Variants in GPC5 observed in about 807,000 individuals in gnomAD.
GPC5 encodes the protein glypican 5, also known as glypican-5.
GPC5 carries 47 observed loss-of-function variants against 53.9 expected under a neutral mutation model. The observed-to-expected ratio is 0.87, with a 90% confidence interval of 0.69 to 1.11. GPC5 has a LOEUF of 1.11. Among genes scored for constraint, GPC5 ranks in the 50% most tolerant of loss-of-function variants. The probability of loss-of-function intolerance (pLI) is 0.00; values close to 1 mark genes in which losing one functional copy is unlikely to be tolerated. For synonymous variants in GPC5, 286 were observed against 263.3 expected, an observed-to-expected ratio of 1.09 and a Z score of -0.84; for missense variants, 748 against 713.1, an observed-to-expected ratio of 1.05 and a Z score of -0.56.
intron 2 of GPC5, among the ~76,000 whole-genome samples, chr13:91,612,480 G>A (rs1238528457): frequency 6.6e-6 from 1 of 152,100 alleles, no homozygotes; most frequent in Non-Finnish European, 1.5e-5. Context: ...ATTCTATGGA[G>A]CAGATATGAA....
At chr13:92,289,741 T>C (rs899455298) in intron 7 of GPC5, among the ~76,000 whole-genome samples, 2 of 152,028 alleles carry the variant, frequency 1.3e-5, no homozygotes, top group African/African-American at 4.8e-5. Flanking sequence ...GTAGATATGC[T>C]GATATCAAAG....
intron 7 of GPC5, among the ~76,000 whole-genome samples, chr13:92,736,727 G>T (rs1269634969): frequency 6.6e-6 from 1 of 151,514 alleles, no homozygotes; most frequent in Non-Finnish European, 1.5e-5. Flanking sequence ...ATCTGTTCTT[G>T]CTTGTCTCCC....
intron 3 of GPC5, among the ~76,000 whole-genome samples, chr13:91,694,578 A>G (rs1053302773): frequency 1.3e-5 from 2 of 152,208 alleles, no homozygotes; most frequent in Non-Finnish European, 2.9e-5. Flanking sequence ...CTCACCTTAC[A>G]TAGAACCATT....
At chr13:92,303,543 A>G (rs1348241323) in intron 7 of GPC5, among the ~76,000 whole-genome samples, 1 of 152,132 alleles carries the variant, frequency 6.6e-6, no homozygotes, top group Non-Finnish European at 1.5e-5. Context: ...TCAGGGAGAC[A>G]GGCCCTGAGA....
chr13:91,595,168 C>T (rs2032951126), intron 2 of GPC5, among the ~76,000 whole-genome samples: 1 of 151,902 alleles, frequency 6.6e-6, no homozygotes, highest in Non-Finnish European at 1.5e-5. Context: ...CAGATGTATG[C>T]CACCACACCC....
intron 6 of GPC5, among the ~76,000 whole-genome samples, chr13:92,034,065 TA>T (rs1043655598): frequency 1.3e-5 from 2 of 152,128 alleles, no homozygotes; most frequent in African/African-American, 4.8e-5. Context: ...GAGTGACAGC[TA>T]AAAATCCTCC....
intron 2 of GPC5, among the ~76,000 whole-genome samples, chr13:91,670,685 G>A (rs1034659941): frequency 3.9e-5 from 6 of 152,124 alleles, no homozygotes; most frequent in Admixed American, 6.6e-5. Context: ...ATACTCAGAA[G>A]CTCATGTTTT....
At chr13:92,804,120 A>G (rs921095166) in intron 7 of GPC5, among the ~76,000 whole-genome samples, 11 of 151,992 alleles carry the variant, frequency 7.2e-5, no homozygotes, top group African/African-American at 2.7e-4. Context: ...GATTACTTAT[A>G]TGAAGCATCC....
intron 5 of GPC5, among the ~76,000 whole-genome samples, chr13:91,882,071 T>C (rs1404157306): frequency 6.6e-6 from 1 of 152,190 alleles, no homozygotes; most frequent in Non-Finnish European, 1.5e-5. Context: ...ATTGATTGGA[T>C]TTTATTCTTT....
chr13:91,831,212 G>C (rs2038653886), intron 5 of GPC5, among the ~76,000 whole-genome samples: 1 of 150,864 alleles, frequency 6.6e-6, no homozygotes, highest in African/African-American at 2.4e-5. Flanking sequence ...CAGTCCGAGT[G>C]AGTCCCAAAA....
chr13:91,974,481 A>C (rs1288433455), intron 6 of GPC5, among the ~76,000 whole-genome samples: 1 of 151,750 alleles, frequency 6.6e-6, no homozygotes, highest in Non-Finnish European at 1.5e-5. Context: ...AATAACAGAC[A>C]AACAGAAAGC....
chr13:92,371,756 A>G (rs1019658345), intron 7 of GPC5, among the ~76,000 whole-genome samples: 3 of 152,196 alleles, frequency 2.0e-5, no homozygotes, highest in Non-Finnish European at 4.4e-5. Context: ...TGCCCCCATG[A>G]TTCAATTACT....
chr13:92,279,957 T>G (rs1332885209), intron 7 of GPC5, among the ~76,000 whole-genome samples: 1 of 152,138 alleles, frequency 6.6e-6, no homozygotes, highest in Non-Finnish European at 1.5e-5. Flanking sequence ...TTATTTTTAT[T>G]TTTGGCAGAA....
chr13:92,781,141 A>G (rs552109470), intron 7 of GPC5, among the ~76,000 whole-genome samples: 1 of 152,248 alleles, frequency 6.6e-6, no homozygotes, highest in African/African-American at 2.4e-5. Flanking sequence ...ACAAAATTAA[A>G]CGTTCCTTAT....
intron 7 of GPC5, among the ~76,000 whole-genome samples, chr13:92,860,643 T>C (rs1000879794): frequency 1.3e-5 from 2 of 152,152 alleles, no homozygotes; most frequent in African/African-American, 4.8e-5. Context: ...ATTAGTCTAG[T>C]AACTAGTGAC....
intron 6 of GPC5, among the ~76,000 whole-genome samples, chr13:91,988,821 T>C (rs2040431978): frequency 6.7e-6 from 1 of 149,730 alleles, no homozygotes; most frequent in African/African-American, 2.4e-5. Flanking sequence ...ATGATGGTCG[T>C]CTTCCTTGCT....
At position 92,234,315 on chromosome 13, in the gene GPC5, C is replaced by T. The variant is rs1399345694; in HGVS notation, c.1561+89326C>T. 3.3e-5 allele frequency among the ~76,000 whole-genome samples: 5 copies of T among 152,270 alleles called. No homozygotes were observed. In the East Asian group the frequency reaches 7.7e-4, roughly 24 times the overall value. On this transcript the variant is annotated intron_variant, in intron 7 of 7. Transcript: ENST00000377067. ...TCCTCTTTCTCCACATCCTCTCCAG[C>T]ACCTGTTGTTTCCTGACTTTTTAAT...
chr13:91,496,966 C>T (rs531495090), intron 2 of GPC5, among the ~76,000 whole-genome samples: 26 of 152,054 alleles, frequency 1.7e-4, no homozygotes, highest in African/African-American at 5.1e-4. Context: ...ATTGAAAATC[C>T]CCCGTTACTG....
At chr13:92,003,451 AT>A (rs58851620) in intron 6 of GPC5, among the ~76,000 whole-genome samples, 150,062 of 151,670 alleles carry the variant, frequency 0.99, 74,260 homozygotes, top group Middle Eastern at 1. Context: ...TCCAATCGAG[AT>A]TTTTTTTTTC....
Sources: allele counts gnomAD v4.1 joint callset (sites outside exome capture counted in the v4.1 genomes callset), GRCh38; gene constraint gnomAD v4.1.1; transcripts MANE v1.5; gene names NCBI Gene and HGNC (gene_info 2026-07-23, HGNC 2026-07-21).